KIF4A: variants seen among roughly 807,000 people sequenced by gnomAD.
KIF4A encodes kinesin family member 4A.
A neutral mutation model predicts 105.9 loss-of-function variants in KIF4A; 7 were observed. The observed-to-expected ratio is 0.07, with a 90% CI of 0.04 to 0.12. KIF4A has a LOEUF of 0.12. KIF4A is among the 10% of genes least tolerant of loss of function. The pLI is 1.00. For missense variants in KIF4A, 558 were observed against 929.2 expected (o/e 0.60, Z 5.19); for synonymous variants, 281 against 331.3 (o/e 0.85, Z 1.65).
intron 7 of KIF4A, among the ~76,000 whole-genome samples, chrX:70,304,189 G>A (rs1170591998): frequency 1.0e-5 from 1 of 98,641 alleles, no homozygotes; most frequent in African/African-American, 3.7e-5. Context: ...AACATGTGGT[G>A]TTTGGTTTTT....
At chrX:70,303,019 C>G (rs1468532724) in intron 7 of KIF4A, among the ~76,000 whole-genome samples, 1 of 111,872 alleles carries the variant, frequency 8.9e-6, no homozygotes, top group Non-Finnish European at 1.9e-5. Flanking sequence ...TACACCATAT[C>G]TACTGTATTT....
intron 15 of KIF4A, among the ~76,000 whole-genome samples, chrX:70,364,634 G>C (rs1293723679): frequency 1.8e-5 from 2 of 111,102 alleles, no homozygotes; most frequent in Non-Finnish European, 3.8e-5. Flanking sequence ...TGCTGTTTTG[G>C]TTGCTGTAGC....
At chrX:70,359,193 G>C (rs2086063790) in intron 15 of KIF4A, among the ~76,000 whole-genome samples, 1 of 112,098 alleles carries the variant, frequency 8.9e-6, no homozygotes. Context: ...CATTCTCGTT[G>C]ATTTATACCT....
intron 4 of KIF4A, among the ~76,000 whole-genome samples, chrX:70,298,460 TG>T (rs2085792278): frequency 9.1e-6 from 1 of 110,170 alleles, no homozygotes; most frequent in Admixed American, 9.6e-5. Flanking sequence ...GACAGACCCC[TG>T]GGCTCAAGTG....
At chrX:70,307,689 A>G (rs773531373) in intron 7 of KIF4A, among the ~76,000 whole-genome samples, 164 of 112,014 alleles carry the variant, frequency 1.5e-3, no homozygotes, top group African/African-American at 5.3e-3. Flanking sequence ...ACATGATCAC[A>G]TTATTTTTGT....
chrX:70,388,919 T>C (rs2086227665), intron 20 of KIF4A, among the ~76,000 whole-genome samples: 1 of 112,195 alleles, frequency 8.9e-6, no homozygotes, highest in African/African-American at 3.2e-5. Flanking sequence ...TTTATTGATA[T>C]TTTTTTCTTT....
At chrX:70,375,542 C>T (rs375003028) in intron 17 of KIF4A, among the ~76,000 whole-genome samples, 194 bp downstream of exon 17, 1 of 111,909 alleles carries the variant, frequency 8.9e-6, no homozygotes, top group Non-Finnish European at 1.9e-5. Flanking sequence ...CTTAATAAAA[C>T]GTTGCTTTGA....
At chrX:70,361,868 C>T (rs1288017790) in intron 15 of KIF4A, among the ~76,000 whole-genome samples, 1 of 111,934 alleles carries the variant, frequency 8.9e-6, no homozygotes, top group Non-Finnish European at 1.9e-5. Context: ...GGCAGCTAAG[C>T]TTTACCCAAT....
At chrX:70,311,974 A>AAT (rs1569231029) in intron 7 of KIF4A, among the ~76,000 whole-genome samples, 1 of 107,490 alleles carries the variant, frequency 9.3e-6, no homozygotes, top group East Asian at 2.9e-4. Context: ...AAGAAAAAAA[A>AAT]ATATATATAT....
At chrX:70,380,462 AT>A (rs1482870045) in intron 18 of KIF4A, among the ~76,000 whole-genome samples, 1 of 112,533 alleles carries the variant, frequency 8.9e-6, no homozygotes, top group Non-Finnish European at 1.9e-5. Context: ...CAGAAAAAGC[AT>A]TTGACAAAAA....
chrX:70,349,367 GCTC>G (rs1424273841), intron 13 of KIF4A, among the ~76,000 whole-genome samples: 46 of 92,947 alleles, frequency 4.9e-4, no homozygotes, highest in Admixed American at 1.4e-3. Flanking sequence ...GGGCAGAGGC[GCTC>G]CTCACCTCCC....
intron 9 of KIF4A, among the ~76,000 whole-genome samples, chrX:70,331,387 C>T (rs1282667832): frequency 2.7e-5 from 3 of 111,290 alleles, no homozygotes; most frequent in African/African-American, 9.8e-5. Context: ...CACAGTAAAG[C>T]AAATATCGCA....
intron 3 of KIF4A, among the ~76,000 whole-genome samples, chrX:70,291,331 T>C (rs2085759804): frequency 8.9e-6 from 1 of 112,037 alleles, no homozygotes; most frequent in Admixed American, 9.5e-5. Context: ...GTAGTAGCTC[T>C]GCTCTCATAC....
At chrX:70,342,179 T>A (rs1376693319) in intron 11 of KIF4A, among the ~76,000 whole-genome samples, 1 of 112,487 alleles carries the variant, frequency 8.9e-6, no homozygotes, top group African/African-American at 3.2e-5. Flanking sequence ...AATCCCATTT[T>A]AAAATAGATT....
In KIF4A at chrX:70,406,369, G is replaced by A. The variant is rs765972710; in HGVS notation, c.3072+15G>A. The A allele has an allele frequency of 8.7e-7, 1 of 1,146,219 alleles. No homozygotes were observed. Among genetic ancestry groups the A allele is most frequent in the East Asian group, 3.0e-5 (1 of 33,630 alleles). 94.5% of individuals were successfully genotyped at this position (1,146,219 alleles called of 1,213,427 possible). On this transcript the variant is annotated intron_variant, in intron 27 of 30. Transcript: ENST00000374403. ...TCCCACCTAAGGTAAAATGATCAGT[G>A]CCTGTGATACCTTTGCACAGCTTAG... is the stretch of plus-strand genomic sequence containing the variant.
chrX:70,328,741 C>T (rs990644554), intron 7 of KIF4A, among the ~76,000 whole-genome samples: 5 of 111,790 alleles, frequency 4.5e-5, no homozygotes, highest in African/African-American at 1.6e-4. Flanking sequence ...ATAGCTTTTC[C>T]ACAGTAAGCC....
rs757962829 is a variant in KIF4A at position 70,352,657 on chromosome X, G to A, written c.1488+1G>A. The A allele has an allele frequency of 2.6e-6, 3 of 1,173,366 alleles. No individual in the cohort carries two copies. The highest frequency in any genetic ancestry group is 2.3e-6 in the Non-Finnish European group (2 of 864,125). ...TGATACTGCGGTGGAGCAAGAAGCC[G>A]TAAGTAATTGGCCCCTTTGTGTAGA... On this transcript the variant is annotated splice_donor_variant, in intron 14 of 30. Coordinates refer to ENST00000374403, the MANE Select transcript of KIF4A (RefSeq NM_012310.5). LOFTEE classifies it high-confidence loss of function.
chrX:70,349,545 G>A (rs1306718717), intron 13 of KIF4A, among the ~76,000 whole-genome samples: 5 of 100,729 alleles, frequency 5.0e-5, no homozygotes, highest in Non-Finnish European at 8.1e-5. Flanking sequence ...CCGGGCAGCC[G>A]GGCAGAGGCA....
chrX:70,401,692 C>T (rs2086283291), intron 22 of KIF4A, among the ~76,000 whole-genome samples: 1 of 111,919 alleles, frequency 8.9e-6, no homozygotes, highest in South Asian at 3.7e-4. Context: ...TGAGCCACTG[C>T]GCCCAGCTAA....
Sources: gnomAD v4.1 joint callset for allele counts (sites outside exome capture counted in the v4.1 genomes callset) on GRCh38, gnomAD v4.1.1 for gene constraint, MANE v1.5 for transcripts, NCBI Gene and HGNC (gene_info 2026-07-23, HGNC 2026-07-21) for gene names.